The following VAV3 variants were observed in gnomAD, a reference collection of about 807,000 sequenced individuals.
The protein encoded by VAV3 is vav guanine nucleotide exchange factor 3.
A neutral mutation model predicts 131.2 loss-of-function variants in VAV3; 94 were observed. The observed-to-expected ratio is 0.72, with a 90% confidence interval of 0.61 to 0.85. The LOEUF (loss-of-function observed/expected upper bound fraction) is 0.85. Among genes scored for constraint, VAV3 ranks in the 40% least tolerant of loss-of-function variants. The probability of loss-of-function intolerance (pLI) is 0.00; values close to 1 mark genes in which losing one functional copy is unlikely to be tolerated. For synonymous variants in VAV3, 349 were observed against 342.0 expected, an observed-to-expected ratio of 1.02 and a Z score of -0.22; for missense variants, 939 against 1,002.7, an observed-to-expected ratio of 0.94 and a Z score of 0.86.
chr1:107,921,258 G>C (rs959326662), intron 1 of VAV3, among the ~76,000 whole-genome samples: 1 of 152,142 alleles, frequency 6.6e-6, no homozygotes, highest in African/African-American at 2.4e-5. Context: ...CTCTCGACCT[G>C]ATCCACCAGG....
intron 1 of VAV3, among the ~76,000 whole-genome samples, chr1:107,949,783 T>C (rs1461273596): frequency 3.3e-5 from 5 of 152,240 alleles, no homozygotes. Context: ...ATGCATTTCT[T>C]GTGTGGCTGA....
chr1:107,819,860 C>T (rs1013639811), intron 2 of VAV3, among the ~76,000 whole-genome samples: 2 of 152,084 alleles, frequency 1.3e-5, no homozygotes, highest in Non-Finnish European at 1.5e-5. Context: ...CTTACCTCTG[C>T]TCAACATCAC....
chr1:107,671,771 T>C (rs564335621), intron 19 of VAV3, among the ~76,000 whole-genome samples: 89 of 90,272 alleles, frequency 9.9e-4, no homozygotes, highest in African/African-American at 4.9e-3. Context: ...GTTTGTCATA[T>C]TTTACCAAAA....
intron 2 of VAV3, among the ~76,000 whole-genome samples, chr1:107,846,291 G>A (rs1270352460): frequency 1.3e-5 from 2 of 152,182 alleles, no homozygotes; most frequent in African/African-American, 4.8e-5. Flanking sequence ...AAGAGCTCCT[G>A]AAGGAAGGAC....
chr1:107,771,671 T>C (rs1665055920), intron 5 of VAV3, among the ~76,000 whole-genome samples: 1 of 152,182 alleles, frequency 6.6e-6, no homozygotes, highest in South Asian at 2.1e-4. Context: ...AGATAAACAG[T>C]ATAAAGCACT....
intron 2 of VAV3, among the ~76,000 whole-genome samples, chr1:107,784,061 A>AAT (rs10539411): frequency 0.015 from 2,258 of 148,714 alleles, 16 homozygotes; most frequent in South Asian, 0.036. Context: ...CCCTATCTCA[A>AAT]ATATATATAT....
intron 1 of VAV3, among the ~76,000 whole-genome samples, chr1:107,936,453 A>T (rs1377177131): frequency 1.3e-5 from 2 of 152,208 alleles, no homozygotes; most frequent in East Asian, 3.8e-4. Context: ...ACACTAACAG[A>T]TTTGTCTTAC....
intron 15 of VAV3, among the ~76,000 whole-genome samples, chr1:107,737,784 G>A (rs1416462029): frequency 6.6e-6 from 1 of 152,180 alleles, no homozygotes; most frequent in African/African-American, 2.4e-5. Flanking sequence ...AACCATTGTG[G>A]AAGACAGTGT....
chr1:107,789,382 C>T (rs559628700), intron 2 of VAV3, among the ~76,000 whole-genome samples: 25 of 152,278 alleles, frequency 1.6e-4, no homozygotes, highest in African/African-American at 5.1e-4. Flanking sequence ...GGGAACATGC[C>T]ATGGATTTCC....
intron 15 of VAV3, among the ~76,000 whole-genome samples, chr1:107,721,052 T>C (rs1240303234): frequency 6.6e-6 from 1 of 152,166 alleles, no homozygotes; most frequent in Non-Finnish European, 1.5e-5. Flanking sequence ...CAGCACAGGC[T>C]TGATATGGGT....
At chr1:107,702,730 C>T (rs1030785891) in intron 17 of VAV3, among the ~76,000 whole-genome samples, 3 of 151,570 alleles carry the variant, frequency 2.0e-5, no homozygotes, top group South Asian at 2.1e-4. Context: ...TGCTCCTTAA[C>T]GTTCCCATCC....
rs1018729966 is a variant in VAV3 at position 107,724,835 on chromosome 1, GGAA to G, written c.1503-19777_1503-19775del. On this transcript the variant is annotated intron_variant, in intron 15 of 26. Coordinates refer to ENST00000370056, the MANE Select transcript of VAV3 (RefSeq NM_006113.5). ...GGTTGCAACACTGGATGTGGTGGGG[GGAA>G]AAAAAAAAGGCTAGAGCTGAGCACA... is the stretch of plus-strand genomic sequence containing the variant. 3.8e-4 allele frequency among the ~76,000 whole-genome samples: 55 copies of G among 145,386 alleles called. 1 individual carries two copies. The highest frequency in any genetic ancestry group is 1.4e-3 in the African/African-American group (55 of 39,746).
At chr1:107,706,528 C>T (rs993363026) in intron 15 of VAV3, among the ~76,000 whole-genome samples, 1 of 152,192 alleles carries the variant, frequency 6.6e-6, no homozygotes, top group African/African-American at 2.4e-5. Context: ...GAATTATGGA[C>T]ATTTCCATGG....
At chr1:107,953,756 C>A (rs538459364) in intron 1 of VAV3, among the ~76,000 whole-genome samples, 1 of 152,224 alleles carries the variant, frequency 6.6e-6, no homozygotes. Flanking sequence ...TAGGGAAGCA[C>A]GACGCTTGTT....
intron 1 of VAV3, among the ~76,000 whole-genome samples, chr1:107,897,486 A>T (rs920061382): frequency 6.6e-6 from 1 of 151,848 alleles, no homozygotes; most frequent in Non-Finnish European, 1.5e-5. Context: ...GAAAGCTGAG[A>T]ATGCCACGAG....
intron 1 of VAV3, among the ~76,000 whole-genome samples, chr1:107,914,728 T>C (rs12093715): frequency 0.16 from 24,278 of 152,224 alleles, 2,036 homozygotes; most frequent in South Asian, 0.22. Context: ...CAATCAGTAA[T>C]GGGCTCATTT....
intron 22 of VAV3, among the ~76,000 whole-genome samples, chr1:107,608,426 TTTGA>T (rs1570603406): frequency 6.6e-6 from 1 of 152,228 alleles, no homozygotes; most frequent in East Asian, 1.9e-4. Context: ...TGTTTTTCAG[TTTGA>T]TTATCAATGC....
At chr1:107,882,770 G>T (rs531184191) in intron 1 of VAV3, among the ~76,000 whole-genome samples, 1 of 152,208 alleles carries the variant, frequency 6.6e-6, no homozygotes, top group African/African-American at 2.4e-5. Context: ...AACAGAAGGG[G>T]CATCATCATC....
chr1:107,801,057 T>C (rs1237869880), intron 2 of VAV3, among the ~76,000 whole-genome samples: 1 of 152,122 alleles, frequency 6.6e-6, no homozygotes, highest in Non-Finnish European at 1.5e-5. Context: ...TTCCCAGTAC[T>C]ACTTATTAAA....
Sources: gnomAD v4.1 joint callset for allele counts (sites outside exome capture counted in the v4.1 genomes callset) on GRCh38, gnomAD v4.1.1 for gene constraint, MANE v1.5 for transcripts, NCBI Gene and HGNC (gene_info 2026-07-23, HGNC 2026-07-21) for gene names.